CLDN10: variants seen among roughly 807,000 people sequenced by gnomAD.
CLDN10 encodes claudin-10.
Under a neutral mutation model 22.9 loss-of-function variants are expected in CLDN10, and 15 were observed. The ratio of observed to expected loss-of-function variants is 0.65; its 90% CI spans 0.44 to 1.01. The LOEUF (loss-of-function observed/expected upper bound fraction) is 1.01. Ranked by LOEUF, CLDN10 falls within the 50% of genes least tolerant of loss-of-function variation. The pLI is 0.00. For synonymous variants in CLDN10, 114 were observed against 111.4 expected (o/e 1.02, Z -0.15); for missense variants, 247 against 287.8 (o/e 0.86, Z 1.03).
At chr13:95,513,968 C>T (rs1430940991) in intron 1 of CLDN10, among the ~76,000 whole-genome samples, 1 of 152,164 alleles carries the variant, frequency 6.6e-6, no homozygotes, top group Non-Finnish European at 1.5e-5. Flanking sequence ...AGAACTCTTC[C>T]AGCCTATTAC....
At chr13:95,532,792 C>CAAAAAAAAAAAAAAAAAAAAAA (rs57500288) in intron 1 of CLDN10, among the ~76,000 whole-genome samples, 2 of 62,022 alleles carry the variant, frequency 3.2e-5, no homozygotes, top group Non-Finnish European at 5.5e-5. Context: ...CTCAATTCAG[C>CAAAAAAAAAAAAAAAAAAAAAA]AAAAAAAAAA....
intron 3 of CLDN10, among the ~76,000 whole-genome samples, chr13:95,563,392 T>A (rs778029496): frequency 2.0e-5 from 3 of 152,160 alleles, no homozygotes; most frequent in Non-Finnish European, 2.9e-5. Context: ...CTTAAAAATA[T>A]AACACCTACA....
intron 1 of CLDN10, among the ~76,000 whole-genome samples, chr13:95,483,338 C>A (rs1200043928): frequency 2.7e-5 from 4 of 150,106 alleles, no homozygotes; most frequent in Non-Finnish European, 5.9e-5. Context: ...CCCTCTCCTC[C>A]CCTCATTTCT....
chr13:95,452,229 A>G (rs548765655), intron 1 of CLDN10, among the ~76,000 whole-genome samples: 1 of 152,274 alleles, frequency 6.6e-6, no homozygotes, highest in African/African-American at 2.4e-5. Flanking sequence ...TCATTCTATG[A>G]TCATGTCTGG....
intron 1 of CLDN10, among the ~76,000 whole-genome samples, chr13:95,507,316 A>T (rs564009329): frequency 6.6e-6 from 1 of 152,232 alleles, no homozygotes; most frequent in South Asian, 2.1e-4. Context: ...ATATGGTATA[A>T]TGAGAAGCAT....
intron 1 of CLDN10, among the ~76,000 whole-genome samples, chr13:95,442,509 T>TTCGATG (rs2042333773): frequency 6.6e-6 from 1 of 152,216 alleles, no homozygotes; most frequent in African/African-American, 2.4e-5. Context: ...CACCTTGCAT[T>TTCGATG]TCGATGTCAG....
intron 1 of CLDN10, among the ~76,000 whole-genome samples, chr13:95,508,800 T>C (rs543707140): frequency 8.5e-5 from 13 of 152,346 alleles, no homozygotes; most frequent in African/African-American, 2.9e-4. Context: ...CCGGGTAGTC[T>C]GGTGGGTTCC....
chr13:95,558,477 A>G (rs142918392), intron 1 of CLDN10, among the ~76,000 whole-genome samples: 85 of 152,370 alleles, frequency 5.6e-4, no homozygotes, highest in African/African-American at 2.0e-3. Flanking sequence ...CTGTATGGAA[A>G]TATTTCACAC....
chr13:95,449,278 A>T (rs2042410357), intron 1 of CLDN10, among the ~76,000 whole-genome samples: 1 of 151,388 alleles, frequency 6.6e-6, no homozygotes, highest in South Asian at 2.1e-4. Context: ...TCGAAACAGA[A>T]TCTCGCTCTG....
intron 1 of CLDN10, among the ~76,000 whole-genome samples, chr13:95,482,618 A>G (rs1161362814): frequency 6.6e-6 from 1 of 152,200 alleles, no homozygotes; most frequent in East Asian, 1.9e-4. Context: ...AGGAGCTCAG[A>G]TTCAGTCTCA....
At chr13:95,503,889 G>T (rs905192170) in intron 1 of CLDN10, among the ~76,000 whole-genome samples, 63 of 152,318 alleles carry the variant, frequency 4.1e-4, no homozygotes, top group African/African-American at 1.4e-3. Context: ...TCTGCAAGTT[G>T]AAAAGAGTTC....
chr13:95,543,535 AC>A (rs2138627468), intron 1 of CLDN10, among the ~76,000 whole-genome samples: 1 of 152,282 alleles, frequency 6.6e-6, no homozygotes, highest in South Asian at 2.1e-4. Flanking sequence ...AGAAAAAAAT[AC>A]TGCATTTTCC....
chr13:95,538,924 G>C (rs925201475), intron 1 of CLDN10, among the ~76,000 whole-genome samples: 2 of 152,062 alleles, frequency 1.3e-5, no homozygotes, highest in Non-Finnish European at 2.9e-5. Flanking sequence ...CTGTCGCTCA[G>C]GCTGGAGTGC....
chr13:95,539,071 G>T (rs2043432588), intron 1 of CLDN10, among the ~76,000 whole-genome samples: 1 of 152,228 alleles, frequency 6.6e-6, no homozygotes, highest in South Asian at 2.1e-4. Context: ...TAGAGATGGG[G>T]TTTCACCATG....
chr13:95,564,950 G>A (rs1336960718), intron 3 of CLDN10, among the ~76,000 whole-genome samples: 2 of 152,028 alleles, frequency 1.3e-5, no homozygotes, highest in African/African-American at 2.4e-5. Context: ...GAGTTTCATC[G>A]TGTTCTGCTA....
intron 1 of CLDN10, chr13:95,479,575 T>C (rs764654119): frequency 2.0e-5 from 3 of 152,166 alleles, no homozygotes; most frequent in Admixed American, 6.5e-5. Context: ...GACTTAACAT[T>C]ATAGTCATGA....
At chr13:95,529,146 A>ATGC (rs1278492497) in intron 1 of CLDN10, among the ~76,000 whole-genome samples, 1 of 152,066 alleles carries the variant, frequency 6.6e-6, no homozygotes, top group African/African-American at 2.4e-5. Flanking sequence ...ATATGGAGGC[A>ATGC]TGCTGTTACC....
chr13:95,505,754 T>A (rs1042512470), intron 1 of CLDN10, among the ~76,000 whole-genome samples: 8 of 127,548 alleles, frequency 6.3e-5, no homozygotes, highest in Admixed American at 1.5e-4. Context: ...CCTTTCTTTT[T>A]TTTTTTTTTT....
intron 3 of CLDN10, among the ~76,000 whole-genome samples, chr13:95,562,399 T>C (rs2043726580): frequency 6.6e-6 from 1 of 152,224 alleles, no homozygotes; most frequent in Admixed American, 6.5e-5. Flanking sequence ...AAATAGTTTT[T>C]ATTCAGAAAT....
Sources: allele counts gnomAD v4.1 joint callset (sites outside exome capture counted in the v4.1 genomes callset), GRCh38; gene constraint gnomAD v4.1.1; transcripts MANE v1.5; gene names NCBI Gene and HGNC (gene_info 2026-07-23, HGNC 2026-07-21).